ZBTB7C: variants seen among roughly 807,000 people sequenced by gnomAD.
ZBTB7C encodes the protein zinc finger and BTB domain-containing protein 7C.
In ZBTB7C, 8 loss-of-function variants were observed where a neutral mutation model predicts 25.7. That is an observed-to-expected ratio of 0.31 (90% CI 0.18 to 0.56). The LOEUF is 0.56. Ranked by LOEUF, ZBTB7C falls within the 20% of genes least tolerant of loss-of-function variation. The pLI is 0.91. For synonymous variants in ZBTB7C, 394 were observed against 369.0 expected (o/e 1.07, Z -0.78); for missense variants, 824 against 855.2 (o/e 0.96, Z 0.46).
chr18:48,040,500 G>T lies in ZBTB7C; in HGVS notation c.608C>A (p.Thr203Asn), dbSNP rs879052081. The T allele has an allele frequency of 1.2e-6, 2 of 1,613,440 alleles. No individual in the cohort carries two copies. Among genetic ancestry groups the T allele is most frequent in the South Asian group, 2.2e-5 (2 of 90,956 alleles). ...GAAGGAGTCAGGGAAGTCCCTGGGG[G>T]TGTCTGAATAGGCCTTCTCTGTGAG... The part of the protein sequence containing the change: ...DHLTEKAYSD[T>N]PRDFPDSFQA... The change falls in exon 4 of 5, where the codon ACC becomes AAC. Residue 203 changes from threonine to asparagine, a missense_variant. By Grantham distance (65) the Thr-to-Asn change is moderately conservative. Around this residue, in one of 4 missense-constraint regions of ZBTB7C, gnomAD observed 316 missense variants for 299.2 expected, o/e 1.06. Transcript: ENST00000590800.
chr18:48,101,681 G>C (rs1029758238), intron 3 of ZBTB7C, among the ~76,000 whole-genome samples: 3 of 152,152 alleles, frequency 2.0e-5, no homozygotes, highest in African/African-American at 7.2e-5. Flanking sequence ...TTACAGATGA[G>C]GAAACTGAGG....
intron 3 of ZBTB7C, among the ~76,000 whole-genome samples, chr18:48,113,148 G>A (rs1162052804): frequency 1.3e-5 from 2 of 152,330 alleles, no homozygotes; most frequent in Non-Finnish European, 2.9e-5. Flanking sequence ...TGGGCATTTT[G>A]TTGTGGACAG....
At chr18:48,153,026 G>C (rs752168079) in intron 3 of ZBTB7C, among the ~76,000 whole-genome samples, 39 of 152,246 alleles carry the variant, frequency 2.6e-4, no homozygotes, top group Middle Eastern at 6.3e-3. Context: ...GGCTTCTGGT[G>C]CCTGGGCAAG....
At chr18:48,318,992 A>G (rs1252395490) in intron 2 of ZBTB7C, among the ~76,000 whole-genome samples, 2 of 152,128 alleles carry the variant, frequency 1.3e-5, no homozygotes. Flanking sequence ...TAATAGAGAG[A>G]TGGACAGAGG....
chr18:48,053,981 C>G (rs2036806926), intron 3 of ZBTB7C, among the ~76,000 whole-genome samples: 1 of 152,202 alleles, frequency 6.6e-6, no homozygotes, highest in African/African-American at 2.4e-5. Flanking sequence ...AAGGCATGCG[C>G]AGAGGCTGAG....
chr18:48,376,623 C>T (rs891500311), intron 1 of ZBTB7C, among the ~76,000 whole-genome samples: 1 of 152,220 alleles, frequency 6.6e-6, no homozygotes, highest in African/African-American at 2.4e-5. Context: ...ACGGCAGACC[C>T]CAGGGCCTGC....
At chr18:48,271,221 G>T (rs2044477076) in intron 2 of ZBTB7C, among the ~76,000 whole-genome samples, 1 of 151,902 alleles carries the variant, frequency 6.6e-6, no homozygotes, top group Non-Finnish European at 1.5e-5. Context: ...AGAATAAGAA[G>T]GAAAACTGGC....
intron 3 of ZBTB7C, among the ~76,000 whole-genome samples, chr18:48,095,249 C>T (rs1055138061): frequency 6.6e-6 from 1 of 152,138 alleles, no homozygotes; most frequent in Admixed American, 6.5e-5. Flanking sequence ...GCACGATGGC[C>T]ATTTTACATA....
At chr18:48,359,611 C>T (rs111926029) in intron 1 of ZBTB7C, among the ~76,000 whole-genome samples, 65 of 152,292 alleles carry the variant, frequency 4.3e-4, no homozygotes, top group African/African-American at 1.6e-3. Context: ...GCCTGCCCTG[C>T]AAGAATGGCC....
At chr18:48,260,955 C>T (rs551398817) in intron 2 of ZBTB7C, among the ~76,000 whole-genome samples, 82 of 152,198 alleles carry the variant, frequency 5.4e-4, no homozygotes, top group African/African-American at 1.9e-3. Flanking sequence ...CAGGCTTTAA[C>T]GGGCAAATTT....
At chr18:48,341,721 T>C (rs1203829757) in intron 1 of ZBTB7C, among the ~76,000 whole-genome samples, 3 of 152,214 alleles carry the variant, frequency 2.0e-5, no homozygotes, top group Admixed American at 1.3e-4. Context: ...GTTGGTCTAA[T>C]TCACCCATCA....
chr18:48,092,871 C>T (rs772651846), intron 3 of ZBTB7C, among the ~76,000 whole-genome samples: 2 of 152,284 alleles, frequency 1.3e-5, no homozygotes, highest in East Asian at 1.9e-4. Flanking sequence ...AGGTTTTTAT[C>T]GGTAGATAAA....
In ZBTB7C at chr18:48,129,186, C is replaced by T. The variant is rs544957216; in HGVS notation, c.-17+56748G>A. 6.2e-4 allele frequency among the ~76,000 whole-genome samples: 94 copies of T among 152,068 alleles called. 1 individual carries two copies. The Middle Eastern group carries it at 0.01, about 17-fold the overall frequency. On this transcript the variant is annotated intron_variant, in intron 3 of 4. Coordinates refer to ENST00000590800, the MANE Select transcript of ZBTB7C (RefSeq NM_001318841.2). ...CAGGGGAAAAAACGTGTGCTGCAAACGCCCGTTTCACTGCCCTCCAAAAAA... is the reference window on the plus strand; with the variant it reads ...CAGGGGAAAAAACGTGTGCTGCAAATGCCCGTTTCACTGCCCTCCAAAAAA...
chr18:48,056,698 A>G (rs1172279948), intron 3 of ZBTB7C, among the ~76,000 whole-genome samples: 2 of 152,188 alleles, frequency 1.3e-5, no homozygotes, highest in African/African-American at 4.8e-5. Context: ...ACAAAACAAA[A>G]CAAAATAAAA....
At chr18:48,152,711 G>A (rs1568260787) in intron 3 of ZBTB7C, among the ~76,000 whole-genome samples, 1 of 152,240 alleles carries the variant, frequency 6.6e-6, no homozygotes, top group African/African-American at 2.4e-5. Flanking sequence ...AAGTCAGTTA[G>A]TGGGAAAACG....
In ZBTB7C at chr18:48,302,431, A is replaced by C. The variant is rs186304640; in HGVS notation, c.-79+35743T>G. 2.8e-3 allele frequency among the ~76,000 whole-genome samples: 415 copies of C among 147,786 alleles called. 2 individuals are homozygous for C. The highest frequency in any genetic ancestry group is 8.8e-3 in the South Asian group (42 of 4,800). Reference sequence around the variant, plus strand: ...AGATTTACACAGAAGAGCTCTCTCTATATATAATTTTTTTTCTCTTTCTAC... The same window carrying C: ...AGATTTACACAGAAGAGCTCTCTCTCTATATAATTTTTTTTCTCTTTCTAC... On this transcript the variant is annotated intron_variant, in intron 2 of 4. Coordinates refer to ENST00000590800, the MANE Select transcript of ZBTB7C (RefSeq NM_001318841.2).
Position 48,319,142 on chromosome 18 carries a change from A to G in ZBTB7C, c.-79+19032T>C, listed in dbSNP as rs867801413. Among the ~76,000 whole-genome samples, 53 of 64,662 alleles carry G rather than the reference A, an allele frequency of 8.2e-4. No homozygotes were observed. In the East Asian group the frequency reaches 0.055, roughly 67 times the overall value. 42.4% of individuals were successfully genotyped at this position (64,662 alleles called of 152,430 possible). A position where few individuals can be genotyped will look rare whatever the true frequency, so the allele number is the denominator to read the frequency against. On this transcript the variant is annotated intron_variant, in intron 2 of 4. Coordinates refer to ENST00000590800, the MANE Select transcript of ZBTB7C (RefSeq NM_001318841.2). ...TGTGTGTGTGTGTGTGTGTGTGTGT[A>G]ACCTTGATTTGTAACCAAATCAGTG... is the stretch of plus-strand genomic sequence containing the variant.
intron 3 of ZBTB7C, chr18:48,149,028 C>CA (rs1472418759): frequency 6.6e-6 from 1 of 152,284 alleles, no homozygotes; most frequent in African/African-American, 2.4e-5. Flanking sequence ...TAGGTCCTGC[C>CA]AGCTTACACA....
In ZBTB7C at chr18:48,041,051, C is replaced by T. The variant is rs767596079; in HGVS notation, c.57G>A (p.Glu19=). Residue 19 remains glutamate (E), a synonymous_variant, in exon 4 of 5, where the codon GAG becomes GAA. Coordinates refer to ENST00000590800, the MANE Select transcript of ZBTB7C (RefSeq NM_001318841.2). ...IGIPFPNHSS[E]VLCSLNEQRH... is the part of the protein sequence containing the mutation. ...GTTGCTCATTGAGGCTGCACAGGAC[C>T]TCACTGCTGTGGTTGGGGAAGGGAA... is the stretch of plus-strand genomic sequence containing the variant. The T allele has an allele frequency of 6.2e-7, 1 of 1,611,994 alleles. No homozygotes were observed. The highest frequency in any genetic ancestry group is 2.2e-5 in the East Asian group (1 of 44,818).
Sources: allele counts gnomAD v4.1 joint callset (sites outside exome capture counted in the v4.1 genomes callset), GRCh38; gene constraint gnomAD v4.1.1; regional missense constraint gnomAD v4.1.1; transcripts MANE v1.5; gene names NCBI Gene and HGNC (gene_info 2026-07-23, HGNC 2026-07-21).